The following CHFR variants were observed in gnomAD, a reference collection of about 807,000 sequenced individuals.
CHFR encodes checkpoint with forkhead and ring finger domains.
Under a neutral mutation model 87.6 loss-of-function variants are expected in CHFR, and 57 were observed. That is an observed-to-expected ratio of 0.65 (90% CI 0.53 to 0.81). The LOEUF (loss-of-function observed/expected upper bound fraction) is 0.81, where lower values mean the gene tolerates loss of function less well. CHFR is among the 30% of genes least tolerant of loss of function. The pLI is 0.00. For synonymous variants in CHFR, 381 were observed against 359.2 expected (o/e 1.06, Z -0.69); for missense variants, 797 against 865.8 (o/e 0.92, Z 1.00).
chr12:132,849,438 C>T (rs1445611899), intron 12 of CHFR: 3 of 152,228 alleles, frequency 2.0e-5, no homozygotes, highest in East Asian at 3.9e-4. Flanking sequence ...AGACCCACAT[C>T]GTTTCTTAAA....
rs989203291 is a variant in CHFR, at chr12:132,861,597, A to C, written c.621T>G (p.Gly207=). Residue 207 remains glycine (G), a synonymous_variant, in exon 7 of 18, where the codon GGT becomes GGG. Coordinates refer to ENST00000450056, the MANE Select transcript of CHFR (RefSeq NM_001161346.2). The part of the protein sequence containing the change: ...GGGGISPKGS[G]PSVASDEVSS... ...AGACTTCATCACTTGCCACAGAGGG[A>C]CCACTTCCTTTAGGGGAGATGCCAC... is the stretch of plus-strand genomic sequence containing the variant. The C allele has an allele frequency of 4.3e-6, 7 of 1,614,046 alleles. No homozygotes were observed. The highest frequency in any genetic ancestry group is 5.9e-6 in the Non-Finnish European group (7 of 1,180,050).
chr12:132,869,942 T>G, intron 5 of CHFR, 144 bp from the exon 6 acceptor site: 118 of 926,318 alleles, frequency 1.3e-4, no homozygotes, highest in Non-Finnish European at 1.8e-4. Context: ...GGCACGGTGG[T>G]GCAGGCCTGT....
intron 2 of CHFR, among the ~76,000 whole-genome samples, chr12:132,884,312 G>T (rs576636067): frequency 2.0e-4 from 30 of 151,862 alleles, no homozygotes; most frequent in Admixed American, 1.6e-3. Flanking sequence ...CCAGCTACTC[G>T]GGAGGCTGAG....
At chr12:132,853,948 G>A (rs909185678) in intron 10 of CHFR, 17 of 207,660 alleles carry the variant, frequency 8.2e-5, no homozygotes, top group East Asian at 1.3e-4. Flanking sequence ...AGCAGAGCGC[G>A]GTGGGCAACG....
At chr12:132,868,216 G>A (rs1951394118) in intron 6 of CHFR, among the ~76,000 whole-genome samples, 1 of 152,222 alleles carries the variant, frequency 6.6e-6, no homozygotes, top group African/African-American at 2.4e-5. Context: ...TCACGGCTGG[G>A]CGCGGCAGCT....
intron 2 of CHFR, among the ~76,000 whole-genome samples, chr12:132,883,593 G>A (rs1221476644): frequency 1.3e-5 from 2 of 152,080 alleles, no homozygotes; most frequent in African/African-American, 4.8e-5. Context: ...CGGGCATGGT[G>A]GCGGGTGCCT....
At position 132,836,826 on chromosome 12, in the gene CHFR, A is replaced by G. The variant is rs1167961222; in HGVS notation, c.*4728T>C. 2.2e-6 allele frequency: 1 copy of G among 453,478 alleles called. No individual in the cohort carries two copies. Among genetic ancestry groups the G allele is most frequent in the Non-Finnish European group, 4.4e-6 (1 of 225,400 alleles). 28.1% of individuals were successfully genotyped at this position (453,478 alleles called of 1,614,324 possible). ...TCAGCTCATCAGACCTTCACCGTTCAGTAGCCAACTGGTCAGTGATCAGTA... is the reference window on the plus strand; with the variant it reads ...TCAGCTCATCAGACCTTCACCGTTCGGTAGCCAACTGGTCAGTGATCAGTA... On this transcript the variant is annotated 3_prime_UTR_variant, in exon 18 of 18. Coordinates refer to ENST00000450056, the MANE Select transcript of CHFR (RefSeq NM_001161346.2).
intron 2 of CHFR, among the ~76,000 whole-genome samples, chr12:132,882,416 A>G (rs564910193): frequency 6.6e-6 from 1 of 152,226 alleles, no homozygotes; most frequent in South Asian, 2.1e-4. Context: ...TCTTGACTGC[A>G]CTGGTGAGTA....
chr12:132,844,458 G>A (rs140355424), intron 15 of CHFR, among the ~76,000 whole-genome samples: 10,751 of 115,312 alleles, frequency 0.093, 1,886 homozygotes, highest in Non-Finnish European at 0.16. Flanking sequence ...CTAATTTTTT[G>A]TATTTTTAGT....
At chr12:132,846,380 A>G (rs67642206) in intron 15 of CHFR, among the ~76,000 whole-genome samples, 71,104 of 150,582 alleles carry the variant, frequency 0.47, 18,212 homozygotes, top group Non-Finnish European at 0.6. Context: ...CTCCTTCCTC[A>G]GCCTCCCGAG....
chr12:132,849,302 CCGGCCT>C (rs1308047735), intron 12 of CHFR: 5 of 151,078 alleles, frequency 3.3e-5, no homozygotes, highest in African/African-American at 7.3e-5. Context: ...TGCACTGCAC[CCGGCCT>C]CAGACCCGTA....
At chr12:132,880,858 G>A (rs766435334) in intron 2 of CHFR, among the ~76,000 whole-genome samples, 53 of 150,954 alleles carry the variant, frequency 3.5e-4, no homozygotes, top group Non-Finnish European at 6.2e-4. Flanking sequence ...CCAGCTACAC[G>A]GGAGGCTAAG....
intron 3 of CHFR, 55 bp from the exon 4 acceptor site, chr12:132,872,449 G>C: frequency 1.4e-6 from 2 of 1,380,400 alleles, no homozygotes; most frequent in Non-Finnish European, 2.1e-6. Context: ...GGAGTTACAA[G>C]ATTTTTTTTC....
chr12:132,848,634 G>GT lies in CHFR; in HGVS notation c.1576+6dup, dbSNP rs1359215792. On this transcript the variant is annotated splice_region_variant and intron_variant, in intron 13 of 17. Transcript: ENST00000450056. ...AAAGCAACTGGGGCCTGAAGAGCCA[G>GT]TATTACCACAAAACGGGGCCAGGCA... The GT allele has an allele frequency of 6.3e-7, 1 of 1,586,004 alleles. No homozygotes were observed. Among genetic ancestry groups the GT allele is most frequent in the African/African-American group, 1.3e-5 (1 of 74,370 alleles).
rs759769869 is a variant in CHFR, at chr12:132,848,621, G to A, written c.1576+20C>T. The A allele has an allele frequency of 3.8e-5, 59 of 1,567,026 alleles. No homozygotes were observed. The highest frequency in any genetic ancestry group is 5.0e-5 in the Non-Finnish European group (58 of 1,152,220). On this transcript the variant is annotated intron_variant, in intron 13 of 17. Transcript: ENST00000450056. ...ACATGCAAAGGTCAAAGCAACTGGGGCCTGAAGAGCCAGTATTACCACAAA... is the reference window on the plus strand; with the variant it reads ...ACATGCAAAGGTCAAAGCAACTGGGACCTGAAGAGCCAGTATTACCACAAA...
chr12:132,864,346 G>T (rs1951284257), intron 6 of CHFR, among the ~76,000 whole-genome samples: 2 of 152,226 alleles, frequency 1.3e-5, no homozygotes, highest in Admixed American at 6.5e-5. Flanking sequence ...AGCCAACGTG[G>T]AGAGGAGCAC....
intron 2 of CHFR, among the ~76,000 whole-genome samples, chr12:132,878,631 A>G (rs1387530685): frequency 1.3e-5 from 2 of 151,924 alleles, no homozygotes; most frequent in Non-Finnish European, 2.9e-5. Flanking sequence ...CATCCTGGCT[A>G]ACACAGTGAA....
At chr12:132,861,687 A>C in intron 6 of CHFR, 53 bp from the exon 7 acceptor site, 1 of 1,563,238 alleles carries the variant, frequency 6.4e-7, no homozygotes, top group Non-Finnish European at 8.8e-7. Flanking sequence ...TCAGGAGAGA[A>C]CCATGCCTGT....
At position 132,836,478 on chromosome 12, in the gene CHFR, C is replaced by T. The variant is rs546169012; in HGVS notation, c.*5076G>A. ...AGTGACAGGCTCCCAGCAGGGCGCA[C>T]GGCACTCACAGTGACAGGCTCCCAG... On this transcript the variant is annotated 3_prime_UTR_variant, in exon 18 of 18. Transcript: ENST00000450056. 6.1e-6 allele frequency: 2 copies of T among 328,724 alleles called. No homozygotes were observed. Among genetic ancestry groups the T allele is most frequent in the African/African-American group, 5.2e-5 (2 of 38,696 alleles). 20.4% of individuals were successfully genotyped at this position (328,724 alleles called of 1,614,324 possible).
Sources: allele counts gnomAD v4.1 joint callset (sites outside exome capture counted in the v4.1 genomes callset), GRCh38; gene constraint gnomAD v4.1.1; transcripts MANE v1.5; gene names NCBI Gene and HGNC (gene_info 2026-07-23, HGNC 2026-07-21).